Variants in CAPS2 observed in about 807,000 individuals in gnomAD.
CAPS2 encodes calcyphosine 2.
A neutral mutation model predicts 86.5 loss-of-function variants in CAPS2; 98 were observed. The observed-to-expected ratio is 1.13, with a 90% CI of 0.96 to 1.34. The LOEUF (loss-of-function observed/expected upper bound fraction) is 1.34. Ranked by LOEUF, CAPS2 falls within the 40% of genes most tolerant of loss-of-function variation. CAPS2 has a pLI of 0.00. For missense variants in CAPS2, 729 were observed against 686.8 expected (o/e 1.06, Z -0.69); for synonymous variants, 210 against 225.1 (o/e 0.93, Z 0.60).
chr12:75,322,911 G>A (rs11829763), intron 4 of CAPS2: 1 of 920,510 alleles, frequency 1.1e-6, no homozygotes, highest in African/African-American at 1.7e-5. Context: ...GCAAAACATA[G>A]ACTGAACATA....
At chr12:75,358,738 G>GGTTTAAATATATATAATATATTATATAT (rs1199158202) in intron 1 of CAPS2, among the ~76,000 whole-genome samples, 51 of 129,686 alleles carry the variant, frequency 3.9e-4, no homozygotes, top group African/African-American at 1.1e-3. Context: ...TTATATATAT[G>GGTTTAAATATATATAATATATTATATAT]GTTTAAATAT....
chr12:75,277,961 T>C (rs1280380583), exon 17 of CAPS2: 1 of 863,474 alleles, frequency 1.2e-6, no homozygotes, highest in East Asian at 1.2e-4. Flanking sequence ...CTAAAACAGA[T>C]GTTTAGAATA....
At chr12:75,377,840 G>GATAGAT (rs2044733441) in intron 1 of CAPS2, among the ~76,000 whole-genome samples, 1 of 146,970 alleles carries the variant, frequency 6.8e-6, no homozygotes, top group African/African-American at 2.5e-5. Context: ...AACCATCACA[G>GATAGAT]ATATATATAT....
exon 4 of CAPS2, chr12:75,323,017 G>A (rs1229651347): frequency 1.9e-6 from 3 of 1,549,902 alleles, no homozygotes; most frequent in Admixed American, 2.0e-5. Flanking sequence ...TTGACATGGT[G>A]TGACCCAGCC....
chr12:75,299,001 T>C (rs1036279608), intron 9 of CAPS2, 35 bp from the exon 10 acceptor site: 2 of 1,352,348 alleles, frequency 1.5e-6, no homozygotes, highest in Non-Finnish European at 2.0e-6. Context: ...CATCTTCAAA[T>C]AGAATAATTT....
intron 15 of CAPS2, 74 bp from the exon 16 acceptor site, chr12:75,282,421 C>A: frequency 1.1e-6 from 1 of 951,518 alleles, no homozygotes; most frequent in South Asian, 1.3e-5. Flanking sequence ...GAGTCTCGCT[C>A]TGTCACCCAG....
At chr12:75,330,043 C>A (rs2041158818), upstream of CAPS2, 9 of 427,552 alleles carry the variant, frequency 2.1e-5, no homozygotes, top group South Asian at 6.4e-4. Flanking sequence ...TCTAGACAGT[C>A]CAGGCCCGCG....
intron 1 of CAPS2, among the ~76,000 whole-genome samples, chr12:75,353,495 A>T (rs1037623453): frequency 2.0e-5 from 3 of 152,236 alleles, no homozygotes; most frequent in Admixed American, 6.5e-5. Context: ...AAATTGAGGC[A>T]GTAATGAACA....
chr12:75,363,568 T>C (rs1267232236), intron 1 of CAPS2, among the ~76,000 whole-genome samples: 1 of 152,178 alleles, frequency 6.6e-6, no homozygotes, highest in Non-Finnish European at 1.5e-5. Flanking sequence ...AAAGTAATTA[T>C]GATTTAAAAC....
In CAPS2 at chr12:75,305,361, C is replaced by T. The variant is rs2038327021; in HGVS notation, c.660-485G>A. 3 of 366,514 alleles carry T rather than the reference C, an allele frequency of 8.2e-6. No individual in the cohort carries two copies. The South Asian group carries it at 8.8e-5, about 11-fold the overall frequency. 22.7% of individuals were successfully genotyped at this position (366,514 alleles called of 1,614,324 possible). A position where few individuals can be genotyped will look rare whatever the true frequency, so the allele number is the denominator to read the frequency against. ...CACTGATTCTTAAAAGGTGAGAGTACAAGACTTCCTCTCCAGGAGTCGGCG... is the reference window on the plus strand; with the variant it reads ...CACTGATTCTTAAAAGGTGAGAGTATAAGACTTCCTCTCCAGGAGTCGGCG... On this transcript the variant is annotated intron_variant, in intron 7 of 16. Coordinates refer to ENST00000393284, the Ensembl canonical transcript of CAPS2.
intron 14 of CAPS2, among the ~76,000 whole-genome samples, chr12:75,288,374 A>T (rs1419817123): frequency 1.3e-5 from 2 of 151,332 alleles, no homozygotes; most frequent in Non-Finnish European, 2.9e-5. Flanking sequence ...TGAGCTTCCA[A>T]GCAACTCTAA....
At chr12:75,283,789 G>C (rs888265491) in intron 15 of CAPS2, among the ~76,000 whole-genome samples, 3 of 152,014 alleles carry the variant, frequency 2.0e-5, no homozygotes, top group Non-Finnish European at 4.4e-5. Context: ...CCTCCAGCCT[G>C]GGCAACAGAG....
chr12:75,357,053 T>C (rs2043199233), intron 1 of CAPS2, among the ~76,000 whole-genome samples: 1 of 152,080 alleles, frequency 6.6e-6, no homozygotes, highest in African/African-American at 2.4e-5. Flanking sequence ...TACTTTGGCA[T>C]GGTGGCACAT....
Position 75,291,769 on chromosome 12 carries a change from A to T in CAPS2, c.1215T>A (p.Asp405Glu), listed in dbSNP as rs1389662973. The change falls in exon 13 of 17, where the codon GAT (aspartate) becomes GAA (glutamate). Residue 405 changes from aspartate to glutamate, a missense_variant. Coordinates refer to ENST00000393284, the Ensembl canonical transcript of CAPS2. ...CTTGAATTGCTTTGAAGACCAGCCT[A>T]TCATTGGTTTCTTGAATGATTATAT... 7 of 1,569,236 alleles carry T rather than the reference A, an allele frequency of 4.5e-6. No individual in the cohort carries two copies. In the African/African-American group the frequency reaches 6.8e-5, roughly 15 times the overall value.
chr12:75,321,682 T>C, intron 4 of CAPS2, 106 bp from the exon 5 acceptor site: 1 of 785,310 alleles, frequency 1.3e-6, no homozygotes, highest in Non-Finnish European at 2.1e-6. Flanking sequence ...TCCTTAAAAA[T>C]GACCATTATA....
chr12:75,303,437 T>C (rs144690602), intron 8 of CAPS2, among the ~76,000 whole-genome samples: 238 of 152,312 alleles, frequency 1.6e-3, no homozygotes, highest in Non-Finnish European at 2.7e-3. Flanking sequence ...TAACCTGGTA[T>C]AGCAGGGGAA....
At chr12:75,379,346 G>C (rs2044831838) in intron 1 of CAPS2, among the ~76,000 whole-genome samples, 1 of 152,214 alleles carries the variant, frequency 6.6e-6, no homozygotes, top group Admixed American at 6.5e-5. Flanking sequence ...TAGAAAGGCA[G>C]AGCATCTCCA....
intron 7 of CAPS2, among the ~76,000 whole-genome samples, chr12:75,312,572 TA>T (rs574234709): frequency 3.2e-4 from 48 of 152,094 alleles, no homozygotes; most frequent in Non-Finnish European, 1.5e-5. Context: ...TTATGTGTAT[TA>T]TTTTTTTAAA....
At chr12:75,290,941 A>C (rs1167302233) in intron 13 of CAPS2, among the ~76,000 whole-genome samples, 1 of 151,746 alleles carries the variant, frequency 6.6e-6, no homozygotes, top group East Asian at 1.9e-4. Context: ...AAAACAAAAA[A>C]AAAACATAAA....
Sources: gnomAD v4.1 joint callset for allele counts (sites outside exome capture counted in the v4.1 genomes callset) on GRCh38, gnomAD v4.1.1 for gene constraint, MANE v1.5 for transcripts, NCBI Gene and HGNC (gene_info 2026-07-23, HGNC 2026-07-21) for gene names.